Variants in SPRR2G observed in about 807,000 individuals in gnomAD.
The protein encoded by SPRR2G is small proline-rich protein 2G.
SPRR2G carries 1 observed loss-of-function variant against 0.7 expected under a neutral mutation model. The observed-to-expected ratio is 1.49, with a 90% CI of 0.53 to 7.06. The LOEUF is 7.06. Among genes scored for constraint, SPRR2G ranks in the 30% most tolerant of loss-of-function variants. The pLI is 0.14. For missense variants in SPRR2G, 96 were observed against 88.5 expected, an observed-to-expected ratio of 1.09 and a Z score of -0.34; for synonymous variants, 38 against 33.9, an observed-to-expected ratio of 1.12 and a Z score of -0.42.
At chr1:153,168,895 C>T in the SPRR2G span, among the ~76,000 whole-genome samples, 4 of 111,388 alleles carry the variant, frequency 3.6e-5, no homozygotes, top group Non-Finnish European at 7.4e-5. Context: ...ACTGTGTACT[C>T]ATGAGTGTAT....
chr1:153,192,726 T>C, the SPRR2G span, among the ~76,000 whole-genome samples: 1 of 152,242 alleles, frequency 6.6e-6, no homozygotes, highest in Non-Finnish European at 1.5e-5. Context: ...CTTTGCATTG[T>C]AGGTATGTAG....
At chr1:153,188,101 C>T in the SPRR2G span, among the ~76,000 whole-genome samples, 16 of 152,076 alleles carry the variant, frequency 1.1e-4, no homozygotes, top group Non-Finnish European at 1.8e-4. Context: ...GGGTACCTGC[C>T]TGATGCCAGC....
chr1:153,191,346 A>C, the SPRR2G span: 1 of 152,228 alleles, frequency 6.6e-6, no homozygotes, highest in Non-Finnish European at 1.5e-5. Context: ...CACAGAGCCC[A>C]GTCTGTTGGG....
At chr1:153,190,962 G>A in the SPRR2G span, 1 of 152,136 alleles carries the variant, frequency 6.6e-6, no homozygotes, top group African/African-American at 2.4e-5. Flanking sequence ...AAAGTCAAGA[G>A]AGACAAAGTC....
the SPRR2G span, among the ~76,000 whole-genome samples, chr1:153,165,365 C>G: frequency 6.6e-6 from 1 of 152,284 alleles, no homozygotes; most frequent in East Asian, 1.9e-4. Flanking sequence ...TAAAACTGAA[C>G]CTGGAGTAGA....
chr1:153,154,234 T>A (rs1656534289), upstream of SPRR2G, among the ~76,000 whole-genome samples: 1 of 152,056 alleles, frequency 6.6e-6, no homozygotes. Flanking sequence ...TGTTGCATTA[T>A]TCTTTTAATG....
chr1:153,188,725 A>G, the SPRR2G span, among the ~76,000 whole-genome samples: 2 of 152,276 alleles, frequency 1.3e-5, no homozygotes, highest in South Asian at 2.1e-4. Flanking sequence ...GGTGTATGAA[A>G]AAAAACTCCT....
the SPRR2G span, among the ~76,000 whole-genome samples, chr1:153,182,595 T>C: frequency 6.6e-6 from 1 of 152,134 alleles, no homozygotes; most frequent in Non-Finnish European, 1.5e-5. Context: ...CCTCTGTCCA[T>C]GTGTTCTCAT....
chr1:153,196,863 C>A, the SPRR2G span, among the ~76,000 whole-genome samples: 36 of 152,194 alleles, frequency 2.4e-4, no homozygotes, highest in African/African-American at 7.7e-4. Context: ...CCCAGTGGGC[C>A]CCCAGTTTAT....
chr1:153,149,903 G>T lies in SPRR2G; in HGVS notation c.208C>A (p.Pro70Thr). ...PYPPCQQKYPPKSK is the reference protein window; with the variant it reads ...PYPPCQQKYPTKSK ...TTCTAGTGATGTTACTTGCTCTTGGGTGGATACTTCTGCTGGCAGGGTGGG... is the reference window on the plus strand; with the variant it reads ...TTCTAGTGATGTTACTTGCTCTTGGTTGGATACTTCTGCTGGCAGGGTGGG... Residue 70 changes from proline (P) to threonine (T), a missense_variant, in exon 2 of 2, where the codon CCC becomes ACC. Transcript: ENST00000368748. The T allele has an allele frequency of 6.2e-7, 1 of 1,614,118 alleles. No individual in the cohort carries two copies.
the SPRR2G span, among the ~76,000 whole-genome samples, chr1:153,181,440 G>A: frequency 6.6e-6 from 1 of 151,986 alleles, no homozygotes; most frequent in African/African-American, 2.4e-5. Context: ...CAGATATTTT[G>A]AAAGATACAA....
Position 153,149,701 on chromosome 1 carries a change from T to C in SPRR2G, c.*188A>G, listed in dbSNP as rs2101646963. On this transcript the variant is annotated 3_prime_UTR_variant, in exon 2 of 2. Coordinates refer to ENST00000368748, the MANE Select transcript of SPRR2G (RefSeq NM_001014291.4). ...AGCAAAGCGAGATTAGGCAGTGATC[T>C]GGCTGCTCATCTTCCAACAACATAT... The C allele has an allele frequency of 1.4e-6, 1 of 721,796 alleles. No homozygotes were observed. The allele number at this position is 721,796 out of a possible 1,614,324, so 44.7% of individuals were successfully genotyped here. A position where few individuals can be genotyped will look rare whatever the true frequency, so the allele number is the denominator to read the frequency against.
chr1:153,174,908 AAAAG>A, the SPRR2G span, among the ~76,000 whole-genome samples: 2 of 152,186 alleles, frequency 1.3e-5, no homozygotes, highest in African/African-American at 2.4e-5. Context: ...GGCTTTAAAA[AAAAG>A]AAAGAAACAA....
the SPRR2G span, among the ~76,000 whole-genome samples, chr1:153,174,826 G>C: frequency 1.3e-5 from 2 of 152,196 alleles, no homozygotes; most frequent in Non-Finnish European, 2.9e-5. Context: ...CACCTGCACT[G>C]TCAGCCACAT....
the SPRR2G span, among the ~76,000 whole-genome samples, chr1:153,165,458 G>T: frequency 6.6e-6 from 1 of 152,000 alleles, no homozygotes; most frequent in Non-Finnish European, 1.5e-5. Flanking sequence ...TCCTTTTTCT[G>T]CCCTTTCTGA....
chr1:153,189,846 G>A, the SPRR2G span, among the ~76,000 whole-genome samples: 2 of 152,078 alleles, frequency 1.3e-5, no homozygotes, highest in South Asian at 2.1e-4. Context: ...AAGAAAGGAC[G>A]ATACCAACTC....
the SPRR2G span, among the ~76,000 whole-genome samples, chr1:153,196,008 G>T: frequency 1.3e-5 from 2 of 152,192 alleles, no homozygotes; most frequent in Non-Finnish European, 2.9e-5. Flanking sequence ...TGGGGGCCAG[G>T]TGTACCATCC....
chr1:153,150,155 G>A, intron 1 of SPRR2G, 24 bp from the exon 2 acceptor site: 1 of 1,607,976 alleles, frequency 6.2e-7, no homozygotes, highest in Non-Finnish European at 8.5e-7. Context: ...ACGAAACAGT[G>A]CTCATAAGAG....
chr1:153,180,493 C>G, the SPRR2G span, among the ~76,000 whole-genome samples: 4 of 152,060 alleles, frequency 2.6e-5, no homozygotes, highest in Admixed American at 1.3e-4. Context: ...GAATATACTA[C>G]CATTTATGCA....
Sources: allele counts gnomAD v4.1 joint callset (sites outside exome capture counted in the v4.1 genomes callset), GRCh38; gene constraint gnomAD v4.1.1; transcripts MANE v1.5; gene names NCBI Gene and HGNC (gene_info 2026-07-23, HGNC 2026-07-21).